The following CTNNA2 variants were observed in gnomAD, a reference collection of about 807,000 sequenced individuals.
CTNNA2 encodes catenin alpha 2.
Under a neutral mutation model 101.0 loss-of-function variants are expected in CTNNA2, and 42 were observed. The ratio of observed to expected loss-of-function variants is 0.42; its 90% CI spans 0.32 to 0.54. CTNNA2 has a LOEUF of 0.54. Ranked by LOEUF, CTNNA2 falls within the 20% of genes least tolerant of loss-of-function variation. CTNNA2 has a pLI of 0.14. For missense variants in CTNNA2, 871 were observed against 1,223.1 expected, an observed-to-expected ratio of 0.71 and a Z score of 4.29; for synonymous variants, 450 against 456.4, an observed-to-expected ratio of 0.99 and a Z score of 0.18.
chr2:80,646,619 CAAGAAGGTTG>C (rs1360851572), intron 18 of CTNNA2, among the ~76,000 whole-genome samples: 2 of 151,330 alleles, frequency 1.3e-5, no homozygotes, highest in Non-Finnish European at 2.9e-5. Flanking sequence ...GGCAGTGAAG[CAAGAAGGTTG>C]AAGAAGATAT....
intron 3 of CTNNA2, among the ~76,000 whole-genome samples, chr2:79,820,592 T>C (rs750912371): frequency 6.6e-6 from 1 of 152,202 alleles, no homozygotes; most frequent in Non-Finnish European, 1.5e-5. Flanking sequence ...TGTGTATGCA[T>C]ATATGCACTC....
At position 80,134,710 on chromosome 2, in the gene CTNNA2, G is replaced by A. The variant is rs116703805; in HGVS notation, c.1056+224913G>A. 2.6e-3 allele frequency among the ~76,000 whole-genome samples: 393 copies of A among 152,250 alleles called. 4 individuals carry two copies. The highest frequency in any genetic ancestry group is 0.02 in the Middle Eastern group (6 of 294). On this transcript the variant is annotated intron_variant, in intron 7 of 18. Transcript: ENST00000402739. Reference sequence around the variant, plus strand: ...GCCACCACCCCTGTTCTGCCTTTCCGGTTGTGCTTCAAAGCCGTTATTGTG... The same window carrying A: ...GCCACCACCCCTGTTCTGCCTTTCCAGTTGTGCTTCAAAGCCGTTATTGTG...
chr2:79,239,079 G>A (rs1396618356), intron 2 of CTNNA2, among the ~76,000 whole-genome samples: 1 of 152,032 alleles, frequency 6.6e-6, no homozygotes, highest in South Asian at 2.1e-4. Context: ...ATTAAGCCCA[G>A]TGTGCATTAG....
At chr2:79,828,890 ACTGGT>A (rs1413146772) in intron 3 of CTNNA2, among the ~76,000 whole-genome samples, 2 of 152,176 alleles carry the variant, frequency 1.3e-5, no homozygotes, top group Non-Finnish European at 2.9e-5. Flanking sequence ...ATTGAGAACC[ACTGGT>A]CTGAATTGGG....
chr2:80,470,072 G>T (rs1685171780), intron 9 of CTNNA2, among the ~76,000 whole-genome samples: 1 of 152,128 alleles, frequency 6.6e-6, no homozygotes, highest in Admixed American at 6.5e-5. Context: ...GCGGGGGAGA[G>T]AAGCATTGGG....
At chr2:79,712,847 G>C (rs898494468) in intron 2 of CTNNA2, among the ~76,000 whole-genome samples, 1 of 152,122 alleles carries the variant, frequency 6.6e-6, no homozygotes, top group African/African-American at 2.4e-5. Flanking sequence ...CAGTCTTAAG[G>C]ATAATATTTA....
intron 9 of CTNNA2, among the ~76,000 whole-genome samples, chr2:80,463,823 TG>T (rs1684646705): frequency 6.6e-6 from 1 of 152,176 alleles, no homozygotes; most frequent in African/African-American, 2.4e-5. Context: ...ATAAATGGCT[TG>T]CCCCAAGGCA....
intron 7 of CTNNA2, among the ~76,000 whole-genome samples, chr2:80,235,215 A>G (rs1709481202): frequency 6.6e-6 from 1 of 152,182 alleles, no homozygotes; most frequent in African/African-American, 2.4e-5. Context: ...TTTGTTTAGT[A>G]CATAGAGTTA....
chr2:80,332,479 A>T (rs1671423691), intron 7 of CTNNA2, among the ~76,000 whole-genome samples: 1 of 152,150 alleles, frequency 6.6e-6, no homozygotes, highest in African/African-American at 2.4e-5. Flanking sequence ...AACTGGAGAA[A>T]TCTCAGCATC....
At chr2:79,213,386 G>A (rs1674202295) in intron 2 of CTNNA2, among the ~76,000 whole-genome samples, 1 of 152,174 alleles carries the variant, frequency 6.6e-6, no homozygotes, top group South Asian at 2.1e-4. Flanking sequence ...GGTGGTGCAG[G>A]ATATGGAAGG....
chr2:79,767,496 A>G (rs1010016440), intron 3 of CTNNA2, among the ~76,000 whole-genome samples: 17 of 152,240 alleles, frequency 1.1e-4, no homozygotes, highest in African/African-American at 3.8e-4. Flanking sequence ...CTTCTTGGGA[A>G]GGCTTTCCAG....
chr2:80,193,094 A>G (rs1358217926), intron 7 of CTNNA2, among the ~76,000 whole-genome samples: 1 of 152,178 alleles, frequency 6.6e-6, no homozygotes, highest in Admixed American at 6.5e-5. Flanking sequence ...ATATGCTTTC[A>G]TATTCATAAA....
chr2:79,847,357 A>C (rs1458082770), intron 3 of CTNNA2, among the ~76,000 whole-genome samples: 1 of 151,942 alleles, frequency 6.6e-6, no homozygotes, highest in Non-Finnish European at 1.5e-5. Flanking sequence ...AGCTTGATCT[A>C]TGTGGTGAAA....
chr2:79,866,716 C>T (rs1221289181), intron 4 of CTNNA2: 3 of 152,142 alleles, frequency 2.0e-5, no homozygotes, highest in Non-Finnish European at 4.4e-5. Context: ...ATTTTTCCCC[C>T]ATGCAGCAAG....
chr2:79,447,546 A>T (rs1678847891), intron 4 of CTNNA2, among the ~76,000 whole-genome samples: 1 of 152,140 alleles, frequency 6.6e-6, no homozygotes, highest in Middle Eastern at 3.4e-3. Context: ...GTGACCTTTT[A>T]AGGTTAAGCA....
At chr2:80,380,123 G>T (rs994331001) in intron 7 of CTNNA2, among the ~76,000 whole-genome samples, 1 of 134,890 alleles carries the variant, frequency 7.4e-6, no homozygotes, top group East Asian at 2.4e-4. Context: ...TGCAAGCTCC[G>T]CCTCCCGGGT....
chr2:80,036,475 T>A (rs1695658643), intron 7 of CTNNA2, among the ~76,000 whole-genome samples: 1 of 151,988 alleles, frequency 6.6e-6, no homozygotes. Flanking sequence ...TGTGGTGGGA[T>A]GTGCCTGTAG....
intron 3 of CTNNA2, among the ~76,000 whole-genome samples, chr2:79,316,082 T>C (rs1676490182): frequency 6.6e-6 from 1 of 152,092 alleles, no homozygotes; most frequent in African/African-American, 2.4e-5. Context: ...AGTTTCATAA[T>C]TTTAGGTTTT....
chr2:79,822,329 C>T (rs1442854707), intron 3 of CTNNA2, among the ~76,000 whole-genome samples: 2 of 152,080 alleles, frequency 1.3e-5, no homozygotes, highest in East Asian at 3.9e-4. Context: ...GAGCTCATTA[C>T]ATTTTGTGCT....
Sources: allele counts gnomAD v4.1 joint callset (sites outside exome capture counted in the v4.1 genomes callset), GRCh38; gene constraint gnomAD v4.1.1; transcripts MANE v1.5; gene names NCBI Gene and HGNC (gene_info 2026-07-23, HGNC 2026-07-21).